The following DAB1 variants were observed in gnomAD, a reference collection of about 807,000 sequenced individuals.
The protein encoded by DAB1 is disabled homolog 1.
A neutral mutation model predicts 64.6 loss-of-function variants in DAB1; 15 were observed. That is an observed-to-expected ratio of 0.23 (90% CI 0.16 to 0.36). DAB1 has a LOEUF of 0.36. Ranked by LOEUF, DAB1 falls within the 10% of genes least tolerant of loss-of-function variation. DAB1 has a pLI of 1.00. For missense variants in DAB1, 596 were observed against 706.7 expected, an observed-to-expected ratio of 0.84 and a Z score of 1.78; for synonymous variants, 235 against 251.9, an observed-to-expected ratio of 0.93 and a Z score of 0.64.
intron 4 of DAB1, among the ~76,000 whole-genome samples, chr1:58,314,520 C>T (rs1265867667): frequency 6.6e-6 from 1 of 152,158 alleles, no homozygotes; most frequent in African/African-American, 2.4e-5. Flanking sequence ...ATATTTTGTA[C>T]TTACGATTGA....
intron 4 of DAB1, among the ~76,000 whole-genome samples, chr1:58,189,037 T>C (rs577140490): frequency 9.2e-5 from 14 of 152,334 alleles, no homozygotes; most frequent in Non-Finnish European, 1.6e-4. Context: ...TACATGTCCA[T>C]AGAGCACTAT....
chr1:57,958,790 T>C (rs773318685), intron 5 of DAB1, among the ~76,000 whole-genome samples: 22 of 152,184 alleles, frequency 1.4e-4, no homozygotes, highest in Non-Finnish European at 2.8e-4. Context: ...CCTCTTTCTA[T>C]GTCTTCTCAC....
At chr1:58,048,524 C>A (rs1230736671) in intron 5 of DAB1, 2 of 1,280,098 alleles carry the variant, frequency 1.6e-6, no homozygotes, top group Admixed American at 1.7e-5. Context: ...GTAACCAGGG[C>A]CACTTCCTCC....
At chr1:57,168,025 T>C (rs967300505) in intron 2 of DAB1, among the ~76,000 whole-genome samples, 1 of 152,140 alleles carries the variant, frequency 6.6e-6, no homozygotes, top group African/African-American at 2.4e-5. Flanking sequence ...TAGCAGAGAT[T>C]GTAAAAGTTG....
intron 2 of DAB1, among the ~76,000 whole-genome samples, chr1:57,192,846 G>C (rs554813550): frequency 6.6e-6 from 1 of 152,200 alleles, no homozygotes; most frequent in East Asian, 1.9e-4. Context: ...GTGCAATTCA[G>C]TGTTTCTTAG....
intron 3 of DAB1, among the ~76,000 whole-genome samples, chr1:58,505,287 T>C (rs973298969): frequency 1.2e-4 from 19 of 152,348 alleles, no homozygotes; most frequent in African/African-American, 4.6e-4. Flanking sequence ...CCTTAGCACA[T>C]GGCCCAGTAC....
intron 2 of DAB1, among the ~76,000 whole-genome samples, chr1:57,173,829 G>A (rs1355987636): frequency 6.6e-6 from 1 of 151,844 alleles, no homozygotes; most frequent in Non-Finnish European, 1.5e-5. Flanking sequence ...CACCAAGAAG[G>A]AAAAATTACA....
intron 3 of DAB1, among the ~76,000 whole-genome samples, chr1:58,433,886 T>C (rs544775895): frequency 3.6e-4 from 55 of 152,120 alleles, no homozygotes; most frequent in African/African-American, 1.2e-3. Context: ...ATTCAAACCA[T>C]AGCAGGGAGT....
intron 4 of DAB1, among the ~76,000 whole-genome samples, chr1:58,265,298 A>T (rs1661134932): frequency 6.6e-6 from 1 of 152,226 alleles, no homozygotes; most frequent in Non-Finnish European, 1.5e-5. Flanking sequence ...TCTAAAGGCA[A>T]ATCAAACATT....
intron 5 of DAB1, among the ~76,000 whole-genome samples, chr1:57,998,921 C>T (rs1389201504): frequency 6.6e-6 from 1 of 152,142 alleles, no homozygotes; most frequent in Non-Finnish European, 1.5e-5. Flanking sequence ...TCCAGGATCT[C>T]AGGTGCAATG....
intron 4 of DAB1, among the ~76,000 whole-genome samples, chr1:58,169,743 T>A (rs1656059145): frequency 6.6e-6 from 1 of 152,158 alleles, no homozygotes; most frequent in Non-Finnish European, 1.5e-5. Context: ...TTTCTATTGA[T>A]GATAAGCCAC....
chr1:58,014,063 C>T (rs1007073674), intron 5 of DAB1, among the ~76,000 whole-genome samples: 2 of 152,034 alleles, frequency 1.3e-5, no homozygotes, highest in Non-Finnish European at 2.9e-5. Context: ...TTACTTATTC[C>T]TTGTAACACT....
intron 4 of DAB1, among the ~76,000 whole-genome samples, chr1:58,252,877 A>G (rs1660836579): frequency 6.6e-6 from 1 of 152,224 alleles, no homozygotes; most frequent in Admixed American, 6.5e-5. Context: ...TAGATCGCCA[A>G]GACAGTCAAC....
At chr1:57,693,714 C>A (rs1446614009) in intron 6 of DAB1, among the ~76,000 whole-genome samples, 1 of 152,148 alleles carries the variant, frequency 6.6e-6, no homozygotes, top group African/African-American at 2.4e-5. Context: ...CAAAGGTCTG[C>A]GGCTTCATTC....
At chr1:57,668,994 C>T (rs769322218) in intron 6 of DAB1, among the ~76,000 whole-genome samples, 8 of 152,018 alleles carry the variant, frequency 5.3e-5, no homozygotes, top group Middle Eastern at 3.2e-3. Context: ...GATTTCCATG[C>T]GAGCTTTTGT....
chr1:57,739,653 A>C (rs1170548270), intron 6 of DAB1, among the ~76,000 whole-genome samples: 1 of 150,910 alleles, frequency 6.6e-6, no homozygotes, highest in East Asian at 2.0e-4. Flanking sequence ...GGGTTTCGCC[A>C]TGTTGGCCAG....
intron 5 of DAB1, among the ~76,000 whole-genome samples, chr1:58,146,618 T>C (rs1469256052): frequency 6.6e-6 from 1 of 152,218 alleles, no homozygotes; most frequent in Non-Finnish European, 1.5e-5. Context: ...TGTCTCTGCC[T>C]GGCTCTATTT....
intron 4 of DAB1, among the ~76,000 whole-genome samples, chr1:58,272,819 C>G (rs1661342434): frequency 6.7e-6 from 1 of 150,268 alleles, no homozygotes; most frequent in African/African-American, 2.5e-5. Context: ...TTATCAGAGA[C>G]TAGGATTGCA....
At chr1:58,143,401 T>C (rs1654395688) in intron 5 of DAB1, among the ~76,000 whole-genome samples, 1 of 152,202 alleles carries the variant, frequency 6.6e-6, no homozygotes, top group South Asian at 2.1e-4. Flanking sequence ...CAAAAGATTA[T>C]GCTACATAAC....
Sources: gnomAD v4.1 joint callset for allele counts (sites outside exome capture counted in the v4.1 genomes callset) on GRCh38, gnomAD v4.1.1 for gene constraint, MANE v1.5 for transcripts, NCBI Gene and HGNC (gene_info 2026-07-23, HGNC 2026-07-21) for gene names.